The following RALGAPA1 variants were observed in gnomAD, a reference collection of about 807,000 sequenced individuals.
RALGAPA1 encodes ral GTPase-activating protein subunit alpha-1.
A neutral mutation model predicts 269.6 loss-of-function variants in RALGAPA1; 52 were observed. The observed-to-expected ratio is 0.19, with a 90% CI of 0.15 to 0.24. The LOEUF (loss-of-function observed/expected upper bound fraction) is 0.24. Among genes scored for constraint, RALGAPA1 ranks in the 10% least tolerant of loss-of-function variants. The pLI, the probability that RALGAPA1 is intolerant of heterozygous loss-of-function variation, is 1.00. For missense variants in RALGAPA1, 1,917 were observed against 3,013.9 expected (o/e 0.64, Z 8.52); for synonymous variants, 817 against 1,008.3 (o/e 0.81, Z 3.60).
Position 35,548,466 on chromosome 14 carries a change from G to C in RALGAPA1, c.*23+42C>G, listed in dbSNP as rs564859157. ...CCTGCTAATTTTGAAAAAAGGAAAT[G>C]GGAGAAGAACAGAGGGTGTTTTGGT... On this transcript the variant is annotated intron_variant, in intron 41 of 41. Coordinates refer to ENST00000680220, the MANE Select transcript of RALGAPA1 (RefSeq NM_001346249.2). 58 of 1,453,042 alleles carry C rather than the reference G, an allele frequency of 4.0e-5. No homozygotes were observed. The South Asian group carries it at 5.9e-4, about 15-fold the overall frequency. The allele number at this position is 1,453,042 out of a possible 1,614,324, so 90.0% of individuals were successfully genotyped here.
intron 4 of RALGAPA1, among the ~76,000 whole-genome samples, chr14:35,768,793 G>A (rs185404439): frequency 2.0e-5 from 3 of 151,776 alleles, no homozygotes; most frequent in Admixed American, 6.6e-5. Flanking sequence ...CGGATCACCC[G>A]AGGTCGGGAG....
intron 32 of RALGAPA1, 35 bp downstream of exon 32, chr14:35,635,429 G>T (rs923394800): frequency 1.9e-6 from 3 of 1,541,450 alleles, no homozygotes; most frequent in Non-Finnish European, 2.6e-6. Context: ...AAAAACTCTT[G>T]GTTACCAAAT....
chr14:35,660,365 C>T (rs2063459437), intron 27 of RALGAPA1, among the ~76,000 whole-genome samples: 1 of 151,916 alleles, frequency 6.6e-6, no homozygotes, highest in Non-Finnish European at 1.5e-5. Context: ...TAACAGTGAA[C>T]TATCTGAAAA....
At chr14:35,780,341 A>G (rs1488746769) in intron 1 of RALGAPA1, among the ~76,000 whole-genome samples, 1 of 152,228 alleles carries the variant, frequency 6.6e-6, no homozygotes, top group Non-Finnish European at 1.5e-5. Context: ...AAGGGAAAAT[A>G]GAAGACCTAA....
At chr14:35,561,039 C>T (rs1470825883) in intron 39 of RALGAPA1, among the ~76,000 whole-genome samples, 1 of 151,698 alleles carries the variant, frequency 6.6e-6, no homozygotes, top group South Asian at 2.1e-4. Context: ...ACCAGCCTGG[C>T]CAACATGGTG....
At chr14:35,755,315 T>C (rs772293144) in intron 7 of RALGAPA1, among the ~76,000 whole-genome samples, 6 of 152,182 alleles carry the variant, frequency 3.9e-5, no homozygotes, top group Admixed American at 6.6e-5. Context: ...ACTGGGCCAC[T>C]GTACTCCAGC....
chr14:35,600,470 A>G (rs1163242396), intron 36 of RALGAPA1, among the ~76,000 whole-genome samples: 1 of 151,890 alleles, frequency 6.6e-6, no homozygotes, highest in Non-Finnish European at 1.5e-5. Flanking sequence ...TGGCTCAAGC[A>G]ATCTCCAGCT....
chr14:35,652,356 C>T (rs1472646930), intron 30 of RALGAPA1, among the ~76,000 whole-genome samples: 2 of 140,148 alleles, frequency 1.4e-5, no homozygotes, highest in East Asian at 2.2e-4. Flanking sequence ...CCTTTCCAGG[C>T]CTTTTGTTTA....
intron 14 of RALGAPA1, 86 bp from the exon 15 acceptor site, chr14:35,723,350 T>C: frequency 1.4e-6 from 1 of 739,100 alleles, no homozygotes; most frequent in East Asian, 2.7e-5. Context: ...AAAAAATTAC[T>C]TAAAAACAAG....
chr14:35,556,134 T>C (rs1389597821), intron 39 of RALGAPA1, among the ~76,000 whole-genome samples: 2 of 152,164 alleles, frequency 1.3e-5, no homozygotes, highest in Non-Finnish European at 2.9e-5. Context: ...GCAATATCAT[T>C]ACACAGGGTC....
chr14:35,784,298 C>G (rs1046154849), intron 1 of RALGAPA1, among the ~76,000 whole-genome samples: 2 of 151,794 alleles, frequency 1.3e-5, no homozygotes, highest in Non-Finnish European at 2.9e-5. Flanking sequence ...GTAAAAAGCA[C>G]GAAATAGTAT....
chr14:35,695,032 A>G (rs916127180), intron 17 of RALGAPA1, among the ~76,000 whole-genome samples: 2 of 152,092 alleles, frequency 1.3e-5, no homozygotes, highest in African/African-American at 4.8e-5. Flanking sequence ...GTGAGCCAAG[A>G]TTGCACCGCT....
intron 1 of RALGAPA1, among the ~76,000 whole-genome samples, chr14:35,798,593 A>T (rs765135310): frequency 1.3e-5 from 2 of 152,242 alleles, no homozygotes; most frequent in Non-Finnish European, 2.9e-5. Flanking sequence ...ATATGTACAA[A>T]TTATGTATCC....
intron 26 of RALGAPA1, among the ~76,000 whole-genome samples, chr14:35,669,694 G>T (rs1269827052): frequency 2.0e-5 from 3 of 152,150 alleles, no homozygotes; most frequent in African/African-American, 7.2e-5. Flanking sequence ...ACTATGATGT[G>T]CTCCTCCTAT....
At chr14:35,698,713 T>C (rs1485542519) in intron 17 of RALGAPA1, among the ~76,000 whole-genome samples, 1 of 152,196 alleles carries the variant, frequency 6.6e-6, no homozygotes, top group Non-Finnish European at 1.5e-5. Flanking sequence ...AAGAGAAGTT[T>C]ACAACAAACT....
chr14:35,789,660 C>G (rs949464355), intron 1 of RALGAPA1, among the ~76,000 whole-genome samples: 1 of 152,112 alleles, frequency 6.6e-6, no homozygotes, highest in African/African-American at 2.4e-5. Context: ...ATTCCTCACC[C>G]CCACTGTCTG....
chr14:35,797,426 A>G (rs1436733436), intron 1 of RALGAPA1, among the ~76,000 whole-genome samples: 1 of 152,060 alleles, frequency 6.6e-6, no homozygotes, highest in Non-Finnish European at 1.5e-5. Flanking sequence ...CATCACATAC[A>G]GAGGAAGAGG....
At chr14:35,566,869 A>T (rs962232220) in intron 39 of RALGAPA1, among the ~76,000 whole-genome samples, 2 of 125,342 alleles carry the variant, frequency 1.6e-5, no homozygotes, top group African/African-American at 2.7e-5. Flanking sequence ...TTTGTACATT[A>T]TATATATATA....
rs180685794 is a variant in RALGAPA1, at chr14:35,570,971, A to C, written c.7369-227T>G. On this transcript the variant is annotated intron_variant, in intron 38 of 41. Transcript: ENST00000680220. Reference sequence around the variant, plus strand: ...TCTATTCAAAAGAACTATGTGCTTCATGTAACTGAGTAAATAATTTACACA... The same window carrying C: ...TCTATTCAAAAGAACTATGTGCTTCCTGTAACTGAGTAAATAATTTACACA... Among the ~76,000 whole-genome samples the C allele has an allele frequency of 2.0e-5, 3 of 152,354 alleles. No individual in the cohort carries two copies. The East Asian group carries it at 5.8e-4, about 29-fold the overall frequency.
Sources: allele counts gnomAD v4.1 joint callset (sites outside exome capture counted in the v4.1 genomes callset), GRCh38; gene constraint gnomAD v4.1.1; transcripts MANE v1.5; gene names NCBI Gene and HGNC (gene_info 2026-07-23, HGNC 2026-07-21).